The following SORCS1 variants were observed in gnomAD, a reference collection of about 807,000 sequenced individuals.
SORCS1 encodes the protein VPS10 domain-containing receptor SorCS1.
Under a neutral mutation model 146.1 loss-of-function variants are expected in SORCS1, and 60 were observed. The observed-to-expected ratio is 0.41, with a 90% CI of 0.33 to 0.51. SORCS1 has a LOEUF of 0.51. Among genes scored for constraint, SORCS1 ranks in the 20% least tolerant of loss-of-function variants. The pLI is 0.21. For synonymous variants in SORCS1, 637 were observed against 584.0 expected, an observed-to-expected ratio of 1.09 and a Z score of -1.31; for missense variants, 1,352 against 1,487.6, an observed-to-expected ratio of 0.91 and a Z score of 1.50.
In SORCS1 at chr10:106,717,831, T is replaced by C. The variant is rs559603457; in HGVS notation, c.1025-8490A>G. Among the ~76,000 whole-genome samples, 3 of 152,204 alleles carry C rather than the reference T, an allele frequency of 2.0e-5. No homozygotes were observed. In the South Asian group the frequency reaches 6.2e-4, roughly 32 times the overall value. ...CGCATTCTAGGATGAATGGAAGTGC[T>C]ATGGGCTTGCCGGTGAAATATTTAA... On this transcript the variant is annotated intron_variant, in intron 6 of 25. Coordinates refer to ENST00000263054, the MANE Select transcript of SORCS1 (RefSeq NM_052918.5).
At chr10:107,025,474 T>C (rs1187159909) in intron 1 of SORCS1, among the ~76,000 whole-genome samples, 1 of 152,204 alleles carries the variant, frequency 6.6e-6, no homozygotes, top group Admixed American at 6.5e-5. Flanking sequence ...TAAACTATCC[T>C]GGAAGCTATT....
intron 3 of SORCS1, among the ~76,000 whole-genome samples, chr10:106,796,209 T>C (rs1475234116): frequency 6.6e-6 from 1 of 152,204 alleles, no homozygotes; most frequent in African/African-American, 2.4e-5. Context: ...ACTGCTTCTT[T>C]GTGTAAAGTG....
intron 3 of SORCS1, among the ~76,000 whole-genome samples, chr10:106,815,755 G>C (rs1207191291): frequency 1.3e-5 from 2 of 152,168 alleles, no homozygotes; most frequent in Non-Finnish European, 2.9e-5. Context: ...ATAGTAAATA[G>C]AGGGGAGAAG....
intron 5 of SORCS1, among the ~76,000 whole-genome samples, chr10:106,731,613 A>G (rs1036062101): frequency 3.3e-5 from 5 of 152,152 alleles, no homozygotes; most frequent in Non-Finnish European, 4.4e-5. Context: ...TCCGATCAGC[A>G]AGTGTTTGTT....
intron 3 of SORCS1, among the ~76,000 whole-genome samples, chr10:106,799,020 A>G (rs1194658641): frequency 3.3e-5 from 5 of 152,224 alleles, no homozygotes; most frequent in Non-Finnish European, 7.3e-5. Context: ...TGGTACTGGT[A>G]CCAAAACAGA....
intron 1 of SORCS1, among the ~76,000 whole-genome samples, chr10:107,143,748 C>T (rs1461475668): frequency 2.0e-5 from 3 of 152,104 alleles, no homozygotes; most frequent in East Asian, 3.9e-4. Context: ...TCGTGATCTG[C>T]CCGCCTTGGC....
At chr10:106,716,153 C>A (rs2135898884) in intron 6 of SORCS1, among the ~76,000 whole-genome samples, 1 of 152,238 alleles carries the variant, frequency 6.6e-6, no homozygotes, top group East Asian at 1.9e-4. Context: ...ATAATTAATA[C>A]AAATACAGAT....
chr10:106,681,973 C>T (rs1400422807), intron 10 of SORCS1, among the ~76,000 whole-genome samples: 1 of 151,854 alleles, frequency 6.6e-6, no homozygotes, highest in East Asian at 1.9e-4. Context: ...ACTAAAAATA[C>T]AAAAATTAGC....
intron 1 of SORCS1, among the ~76,000 whole-genome samples, chr10:107,120,026 C>T (rs1371535365): frequency 1.3e-5 from 2 of 152,020 alleles, no homozygotes; most frequent in Non-Finnish European, 2.9e-5. Context: ...CTTTTCAGAG[C>T]ACAAAGCACA....
At chr10:107,026,491 C>A (rs1262801133) in intron 1 of SORCS1, among the ~76,000 whole-genome samples, 2 of 151,834 alleles carry the variant, frequency 1.3e-5, no homozygotes, top group African/African-American at 4.8e-5. Flanking sequence ...TGGTGGTGGG[C>A]GCCTGTAGCC....
chr10:106,677,246 C>T, intron 13 of SORCS1, 67 bp downstream of exon 13: 3 of 1,412,256 alleles, frequency 2.1e-6, no homozygotes, highest in Admixed American at 1.7e-5. Flanking sequence ...GATAGCCTGA[C>T]TCCTAGACTG....
intron 3 of SORCS1, among the ~76,000 whole-genome samples, chr10:106,792,282 T>C (rs538898143): frequency 2.2e-4 from 33 of 152,376 alleles, no homozygotes; most frequent in African/African-American, 7.9e-4. Flanking sequence ...AAAAACATTA[T>C]TTCTCCTTTT....
intron 1 of SORCS1, among the ~76,000 whole-genome samples, chr10:107,044,564 C>T (rs1959214263): frequency 6.8e-6 from 1 of 146,224 alleles, no homozygotes; most frequent in Non-Finnish European, 1.5e-5. Flanking sequence ...TGGCTCACAC[C>T]TGTAATCCTA....
intron 2 of SORCS1, among the ~76,000 whole-genome samples, chr10:106,949,035 G>C (rs1193475297): frequency 6.6e-6 from 1 of 152,086 alleles, no homozygotes; most frequent in Non-Finnish European, 1.5e-5. Flanking sequence ...TATGGAATGG[G>C]AGTTACAAAA....
intron 2 of SORCS1, among the ~76,000 whole-genome samples, chr10:106,872,970 C>G (rs1589603273): frequency 6.6e-6 from 1 of 151,918 alleles, no homozygotes; most frequent in African/African-American, 2.4e-5. Flanking sequence ...GTCAGGAGTT[C>G]GAGACCAGCC....
At chr10:106,717,830 C>T (rs973273444) in intron 6 of SORCS1, among the ~76,000 whole-genome samples, 1 of 152,174 alleles carries the variant, frequency 6.6e-6, no homozygotes, top group Admixed American at 6.6e-5. Context: ...AATGGAAGTG[C>T]TATGGGCTTG....
chr10:106,997,987 T>C (rs1957070218), intron 1 of SORCS1, among the ~76,000 whole-genome samples: 1 of 152,180 alleles, frequency 6.6e-6, no homozygotes, highest in Admixed American at 6.5e-5. Context: ...ATTCAGCAGA[T>C]TTGTTCACTG....
intron 2 of SORCS1, among the ~76,000 whole-genome samples, chr10:106,934,676 G>A (rs1050581931): frequency 1.3e-5 from 2 of 152,094 alleles, no homozygotes; most frequent in Non-Finnish European, 2.9e-5. Flanking sequence ...GCCCATCAAC[G>A]ATTGAGTGTA....
chr10:106,976,628 G>C (rs1390951507), intron 1 of SORCS1, among the ~76,000 whole-genome samples: 1 of 152,082 alleles, frequency 6.6e-6, no homozygotes, highest in Non-Finnish European at 1.5e-5. Context: ...ACCGCGCCCG[G>C]CTGCCATCAT....
Sources: allele counts gnomAD v4.1 joint callset (sites outside exome capture counted in the v4.1 genomes callset), GRCh38; gene constraint gnomAD v4.1.1; transcripts MANE v1.5; gene names NCBI Gene and HGNC (gene_info 2026-07-23, HGNC 2026-07-21).